The following KSR1 variants were observed in gnomAD, a reference collection of about 807,000 sequenced individuals.
KSR1 encodes kinase suppressor of ras 1, also known as kinase suppressor of ras.
In KSR1, 35 loss-of-function variants were observed where a neutral mutation model predicts 92.9. The observed-to-expected ratio is 0.38, with a 90% CI of 0.29 to 0.50. The LOEUF (loss-of-function observed/expected upper bound fraction) is 0.50. KSR1 is among the 20% of genes least tolerant of loss of function. The pLI is 0.94. For synonymous variants in KSR1, 467 were observed against 472.6 expected, an observed-to-expected ratio of 0.99 and a Z score of 0.15; for missense variants, 972 against 1,158.5, an observed-to-expected ratio of 0.84 and a Z score of 2.34.
chr17:27,609,653 A>C (rs916561093), intron 16 of KSR1, among the ~76,000 whole-genome samples: 1 of 152,206 alleles, frequency 6.6e-6, no homozygotes, highest in African/African-American at 2.4e-5. Context: ...AGGGATTGGC[A>C]TAGGGAGAAA....
intron 1 of KSR1, among the ~76,000 whole-genome samples, chr17:27,471,618 G>A (rs1279778283): frequency 6.6e-6 from 1 of 152,148 alleles, no homozygotes; most frequent in Non-Finnish European, 1.5e-5. Flanking sequence ...GGGGCATGGG[G>A]CTGTTTTTTC....
At chr17:27,601,474 G>C (rs987007303) in intron 11 of KSR1, 73 bp downstream of exon 11, 1 of 1,292,790 alleles carries the variant, frequency 7.7e-7, no homozygotes. Context: ...TGGGCAGGGC[G>C]CCCTCTCTCT....
intron 1 of KSR1, among the ~76,000 whole-genome samples, chr17:27,478,390 G>A (rs2068407849): frequency 1.3e-5 from 2 of 152,128 alleles, no homozygotes; most frequent in South Asian, 4.1e-4. Flanking sequence ...TGAGGAATGG[G>A]GACATACGAA....
chr17:27,587,827 G>A (rs1418575060), intron 5 of KSR1, among the ~76,000 whole-genome samples: 3 of 152,234 alleles, frequency 2.0e-5, no homozygotes, highest in Non-Finnish European at 4.4e-5. Flanking sequence ...AAAGCGTATG[G>A]CCCTTATCTC....
At chr17:27,546,784 C>T (rs555427921) in intron 1 of KSR1, among the ~76,000 whole-genome samples, 1 of 152,276 alleles carries the variant, frequency 6.6e-6, no homozygotes, top group African/African-American at 2.4e-5. Context: ...CACATGAGTG[C>T]ATCCTCTTAG....
rs770156476 is a variant in KSR1, at chr17:27,577,826, G to C, written c.520+187G>C. 1.4e-6 allele frequency: 1 copy of C among 703,164 alleles called. No homozygotes were observed. The highest frequency in any genetic ancestry group is 1.5e-5 in the South Asian group (1 of 66,596). 43.6% of individuals were successfully genotyped at this position (703,164 alleles called of 1,614,324 possible). A position where few individuals can be genotyped will look rare whatever the true frequency, so the allele number is the denominator to read the frequency against. ...CAGGGTCCTCAGGGCTCTGGATCCT[G>C]GTGGGTCTGGCCAGGCCGAATCTGA... On this transcript the variant is annotated intron_variant, in intron 3 of 20. Coordinates refer to ENST00000644974, the MANE Select transcript of KSR1 (RefSeq NM_001394583.1). This position sits in a 1 kb window ranked among gnomAD's most constrained non-coding sequence, Gnocchi z 4.5.
At chr17:27,558,124 A>C (rs761049462) in intron 2 of KSR1, 13 of 152,602 alleles carry the variant, frequency 8.5e-5, no homozygotes, top group Non-Finnish European at 1.8e-4. Context: ...GCAAGTACAG[A>C]AGTGTTAGAA....
At chr17:27,526,531 GC>G in intron 1 of KSR1, 5 of 1,602,838 alleles carry the variant, frequency 3.1e-6, no homozygotes, top group Non-Finnish European at 4.3e-6. Context: ...TCACACTCTC[GC>G]TCTGTCTGCT....
At chr17:27,564,504 G>A (rs1298244030) in intron 2 of KSR1, among the ~76,000 whole-genome samples, 1 of 152,190 alleles carries the variant, frequency 6.6e-6, no homozygotes, top group Non-Finnish European at 1.5e-5. Flanking sequence ...TGGATGCAGG[G>A]GCTCAGGTGA....
At chr17:27,499,513 C>G (rs1213783534) in intron 1 of KSR1, among the ~76,000 whole-genome samples, 1 of 152,196 alleles carries the variant, frequency 6.6e-6, no homozygotes, top group Admixed American at 6.5e-5. Flanking sequence ...TAAGAAATTT[C>G]CAGAAAGCAT....
intron 1 of KSR1, among the ~76,000 whole-genome samples, chr17:27,524,344 C>G (rs992110037): frequency 1.3e-5 from 2 of 151,966 alleles, no homozygotes; most frequent in Admixed American, 1.3e-4. Context: ...AGACTAAGAT[C>G]AATGGAGGAG....
At chr17:27,540,385 C>CA (rs1192509156) in intron 1 of KSR1, among the ~76,000 whole-genome samples, 2 of 152,232 alleles carry the variant, frequency 1.3e-5, no homozygotes, top group Non-Finnish European at 2.9e-5. Context: ...CCTGAGCTCC[C>CA]AGCTGTGGCC....
At chr17:27,591,618 C>T (rs1233192190) in intron 7 of KSR1, among the ~76,000 whole-genome samples, 1 of 152,236 alleles carries the variant, frequency 6.6e-6, no homozygotes, top group East Asian at 1.9e-4. Context: ...TTGTGCATAT[C>T]AGCTGGACCC....
chr17:27,582,957 C>T lies in KSR1; in HGVS notation c.832C>T (p.Arg278Ter). ...FITPPTTPQLRRHTKLKPPRT... is the reference protein window; with the variant it reads ...FITPPTTPQL ...CACCCCGCCCACCACACCCCAGCTG[C>T]GACGGCACACCAAGCTGAAGCCACC... The change falls in exon 4 of 21, where the codon CGA (arginine) becomes TGA (stop). Residue 278 changes from arginine (R) to a stop codon, truncating the protein, a stop_gained. Coordinates refer to ENST00000644974, the MANE Select transcript of KSR1 (RefSeq NM_001394583.1). LOFTEE classifies it high-confidence loss of function. 3 of 1,604,782 alleles carry T rather than the reference C, an allele frequency of 1.9e-6. No homozygotes were observed. The highest frequency in any genetic ancestry group is 8.5e-7 in the Non-Finnish European group (1 of 1,174,744).
At chr17:27,548,001 C>T (rs947547422) in intron 1 of KSR1, among the ~76,000 whole-genome samples, 3 of 152,052 alleles carry the variant, frequency 2.0e-5, no homozygotes, top group Non-Finnish European at 2.9e-5. Context: ...GCGTGAGCCA[C>T]CATGACTGGC....
rs2071719510 is a variant in KSR1 at position 27,559,005 on chromosome 17, T to C, written c.372+8297T>C. 6.6e-6 allele frequency among the ~76,000 whole-genome samples: 1 copy of C among 152,252 alleles called. No homozygotes were observed. Among genetic ancestry groups the C allele is most frequent in the South Asian group, 2.1e-4 (1 of 4,832 alleles). ...GCAGCCGTCTGTGTGTGTAATCTCC[T>C]CCTTCCTTTTCCATATTGTTTTCCT... On this transcript the variant is annotated intron_variant, in intron 2 of 20. Coordinates refer to ENST00000644974, the MANE Select transcript of KSR1 (RefSeq NM_001394583.1). The surrounding 1 kb of genome is among the most constrained non-coding windows in gnomAD (Gnocchi z 4.2).
chr17:27,590,998 G>A, intron 7 of KSR1, 104 bp downstream of exon 7: 1 of 976,694 alleles, frequency 1.0e-6, no homozygotes, highest in Non-Finnish European at 1.6e-6. Context: ...CAGCACACCA[G>A]GGAGTGATCA....
intron 1 of KSR1, among the ~76,000 whole-genome samples, chr17:27,509,021 G>A (rs562661808): frequency 2.0e-5 from 3 of 151,280 alleles, no homozygotes; most frequent in Non-Finnish European, 4.4e-5. Context: ...ATGAGCCACC[G>A]TTCCCAGCCT....
rs369149118 is a variant in KSR1 at position 27,610,069 on chromosome 17, G to A, written c.2228G>A (p.Arg743His). Reference sequence around the variant, plus strand: ...TGTCCCGGCTTCCTGGTCTCCAGGCGTGAGAACCAGCTAAAGCTGTCCCAC... The same window carrying A: ...TGTCCCGGCTTCCTGGTCTCCAGGCATGAGAACCAGCTAAAGCTGTCCCAC... Reference protein sequence around the residue: ...GISGVVREGRRENQLKLSHDW... With the variant: ...GISGVVREGRHENQLKLSHDW... Residue 743 changes from arginine (R) to histidine (H), a missense_variant and splice_region_variant, in exon 17 of 21, where the codon CGT (arginine) becomes CAT (histidine). Transcript: ENST00000644974. The A allele has an allele frequency of 6.8e-6, 11 of 1,613,742 alleles. No homozygotes were observed. Among genetic ancestry groups the A allele is most frequent in the South Asian group, 4.4e-5 (4 of 91,084 alleles).
Sources: allele counts gnomAD v4.1 joint callset (sites outside exome capture counted in the v4.1 genomes callset), GRCh38; gene constraint gnomAD v4.1.1; non-coding constraint Gnocchi (gnomAD v3.1); transcripts MANE v1.5; gene names NCBI Gene and HGNC (gene_info 2026-07-23, HGNC 2026-07-21).